The following KCNQ1OT1 variants were observed in gnomAD, a reference collection of about 807,000 sequenced individuals.
KCNQ1OT1 encodes the protein KCNQ1 antisense RNA 2 (non-protein coding).
In KCNQ1OT1 at chr11:2,667,193, G is replaced by A. The variant is rs1293118027; in HGVS notation, n.32802C>T. The stretch of plus-strand genomic sequence containing the variant: ...CCAGCCTGCCATCAGCCCAGCTGTG[G>A]CGGCCCCCCGTGGCCCCCTAACCTT... On this transcript the variant is annotated non_coding_transcript_exon_variant, in exon 1 of 1. Transcript: ENST00000597346. The A allele has an allele frequency of 1.5e-5, 6 of 398,614 alleles. No homozygotes were observed. In the South Asian group the frequency reaches 3.8e-4, roughly 25 times the overall value. 24.7% of individuals were successfully genotyped at this position (398,614 alleles called of 1,614,324 possible).
At chr11:2,665,436 G>C (rs773515782) in exon 1 of KCNQ1OT1, 1 of 397,582 alleles carries the variant, frequency 2.5e-6, no homozygotes, top group Non-Finnish European at 4.4e-6. Flanking sequence ...ACTATCCTCT[G>C]CTCACCAAGG....
In KCNQ1OT1 at chr11:2,659,813, T is replaced by C; in HGVS notation, n.40182A>G. 2.5e-6 allele frequency: 1 copy of C among 398,516 alleles called. No homozygotes were observed. Among genetic ancestry groups the C allele is most frequent in the Non-Finnish European group, 4.4e-6 (1 of 226,002 alleles). The allele number at this position is 398,516 out of a possible 1,614,324, so 24.7% of individuals were successfully genotyped here. A position where few individuals can be genotyped will look rare whatever the true frequency, so the allele number is the denominator to read the frequency against. On this transcript the variant is annotated non_coding_transcript_exon_variant, in exon 1 of 1. Coordinates refer to ENST00000597346, the Ensembl canonical transcript of KCNQ1OT1. The surrounding 1 kb of genome is among the most constrained non-coding windows in gnomAD (Gnocchi z 4.3). ...AATTTATGGAATTTCATTGTGATTC[T>C]AATTTGCATTTCCATATTTATGTTA...
chr11:2,627,947 T>A lies in KCNQ1OT1; in HGVS notation n.72048A>T. ...TAAAATTTTATGTAGAGATAGGGTA[T>A]CACTATGTTTCCTAGGCTGGTCTCA... On this transcript the variant is annotated non_coding_transcript_exon_variant, in exon 1 of 1. Transcript: ENST00000597346. This position sits in a 1 kb window ranked among gnomAD's most constrained non-coding sequence, Gnocchi z 4.9. 2.5e-6 allele frequency: 1 copy of A among 398,550 alleles called. No individual in the cohort carries two copies. 24.7% of individuals were successfully genotyped at this position (398,550 alleles called of 1,614,324 possible).
chr11:2,628,664 G>A lies in KCNQ1OT1; in HGVS notation n.71331C>T, dbSNP rs571562295. ...TGATGTAGTTCTAATTTATTTTTGC[G>A]TTTTATTCCTTGTGCTTTTGATGTC... On this transcript the variant is annotated non_coding_transcript_exon_variant, in exon 1 of 1. Transcript: ENST00000597346. The A allele has an allele frequency of 1.3e-4, 52 of 398,146 alleles. No homozygotes were observed. Among genetic ancestry groups the A allele is most frequent in the African/African-American group, 7.4e-4 (36 of 48,656 alleles). The allele number at this position is 398,146 out of a possible 1,614,324, so 24.7% of individuals were successfully genotyped here. A position where few individuals can be genotyped will look rare whatever the true frequency, so the allele number is the denominator to read the frequency against.
At chr11:2,609,173 C>G (rs989453343) in exon 1 of KCNQ1OT1, 2 of 398,030 alleles carry the variant, frequency 5.0e-6, no homozygotes, top group Non-Finnish European at 8.9e-6. Flanking sequence ...CTATAAAATT[C>G]CATCTTTACA....
In KCNQ1OT1 at chr11:2,627,202, T is replaced by C. The variant is rs886662820; in HGVS notation, n.72793A>G. 4 of 398,458 alleles carry C rather than the reference T, an allele frequency of 1.0e-5. No homozygotes were observed. Among genetic ancestry groups the C allele is most frequent in the African/African-American group, 4.1e-5 (2 of 48,642 alleles). 24.7% of individuals were successfully genotyped at this position (398,458 alleles called of 1,614,324 possible). A position where few individuals can be genotyped will look rare whatever the true frequency, so the allele number is the denominator to read the frequency against. On this transcript the variant is annotated non_coding_transcript_exon_variant, in exon 1 of 1. Transcript: ENST00000597346. The surrounding 1 kb of genome is among the most constrained non-coding windows in gnomAD (Gnocchi z 4.9). ...TTTTTCAGCTTTTATTGAGGTATAATTGACAAATTAAAAGTGCATATATTT... is the reference window on the plus strand; with the variant it reads ...TTTTTCAGCTTTTATTGAGGTATAACTGACAAATTAAAAGTGCATATATTT...
At chr11:2,692,159 C>T in exon 1 of KCNQ1OT1, 1 of 398,728 alleles carries the variant, frequency 2.5e-6, no homozygotes, top group Admixed American at 4.4e-5. Context: ...TCAGTGTCAC[C>T]CATCCTTTCA....
chr11:2,695,543 A>G lies in KCNQ1OT1; in HGVS notation n.4452T>C, dbSNP rs1275216843. On this transcript the variant is annotated non_coding_transcript_exon_variant, in exon 1 of 1. Coordinates refer to ENST00000597346, the Ensembl canonical transcript of KCNQ1OT1. This position sits in a 1 kb window ranked among gnomAD's most constrained non-coding sequence, Gnocchi z 5.2. The stretch of plus-strand genomic sequence containing the variant: ...TGACCAGCTCCAACTGCCCACCCCT[A>G]TGGGCCATGCTGCCCTGAGCATGCA... The G allele has an allele frequency of 3.3e-5, 13 of 398,310 alleles. No individual in the cohort carries two copies. Among genetic ancestry groups the G allele is most frequent in the Non-Finnish European group, 5.8e-5 (13 of 226,066 alleles). 24.7% of individuals were successfully genotyped at this position (398,310 alleles called of 1,614,324 possible).
Position 2,647,099 on chromosome 11 carries a change from G to A in KCNQ1OT1, n.52896C>T, listed in dbSNP as rs1191799350. ...GAGAAGGTGTTTAGCTTTTCCCCAG[G>A]TGGCTGTGGGTTTGTCATATATGAC... On this transcript the variant is annotated non_coding_transcript_exon_variant, in exon 1 of 1. Coordinates refer to ENST00000597346, the Ensembl canonical transcript of KCNQ1OT1. This position sits in a 1 kb window ranked among gnomAD's most constrained non-coding sequence, Gnocchi z 4.0. The A allele has an allele frequency of 5.0e-6, 2 of 398,410 alleles. No individual in the cohort carries two copies. Among genetic ancestry groups the A allele is most frequent in the Non-Finnish European group, 8.8e-6 (2 of 226,006 alleles). 24.7% of individuals were successfully genotyped at this position (398,410 alleles called of 1,614,324 possible).
At chr11:2,643,007 G>A in exon 1 of KCNQ1OT1, 1 of 397,560 alleles carries the variant, frequency 2.5e-6, no homozygotes, top group Non-Finnish European at 4.4e-6. Flanking sequence ...ATGCTATTGT[G>A]GTCTGAGAAG....
Position 2,608,508 on chromosome 11 carries a change from C to G in KCNQ1OT1, n.91487G>C, listed in dbSNP as rs1343951658. Reference sequence around the variant, plus strand: ...TTTCTTTTTGAGAAACAGAGTCTCTCTCTGTTGCCCAGGCTGGAATAGAGT... The same window carrying G: ...TTTCTTTTTGAGAAACAGAGTCTCTGTCTGTTGCCCAGGCTGGAATAGAGT... On this transcript the variant is annotated non_coding_transcript_exon_variant, in exon 1 of 1. Coordinates refer to ENST00000597346, the Ensembl canonical transcript of KCNQ1OT1. This position sits in a 1 kb window ranked among gnomAD's most constrained non-coding sequence, Gnocchi z 4.6. The G allele has an allele frequency of 2.5e-6, 1 of 398,486 alleles. No individual in the cohort carries two copies. Among genetic ancestry groups the G allele is most frequent in the Non-Finnish European group, 4.4e-6 (1 of 226,084 alleles). 24.7% of individuals were successfully genotyped at this position (398,486 alleles called of 1,614,324 possible).
At position 2,641,925 on chromosome 11, in the gene KCNQ1OT1, A is replaced by C. The variant is rs141275567; in HGVS notation, n.58070T>G. ...AGTGTATGTTCTTGGCATCTTTGTC[A>C]AAAATCAGTTGGCTGTAAATACATG... On this transcript the variant is annotated non_coding_transcript_exon_variant, in exon 1 of 1. Transcript: ENST00000597346. 872 of 398,492 alleles carry C rather than the reference A, an allele frequency of 2.2e-3. 7 individuals are homozygous for C. The highest frequency in any genetic ancestry group is 0.016 in the African/African-American group (763 of 48,748). The allele number at this position is 398,492 out of a possible 1,614,324, so 24.7% of individuals were successfully genotyped here.
At chr11:2,629,547 G>A (rs1233108670) in exon 1 of KCNQ1OT1, 1 of 398,396 alleles carries the variant, frequency 2.5e-6, no homozygotes, top group Non-Finnish European at 4.4e-6. Context: ...TCTCTCACGT[G>A]AGGATATCCA....
At position 2,677,240 on chromosome 11, in the gene KCNQ1OT1, C is replaced by T. The variant is rs1192217623; in HGVS notation, n.22755G>A. 1 of 398,424 alleles carries T rather than the reference C, an allele frequency of 2.5e-6. No individual in the cohort carries two copies. Among genetic ancestry groups the T allele is most frequent in the Non-Finnish European group, 4.4e-6 (1 of 226,062 alleles). The allele number at this position is 398,424 out of a possible 1,614,324, so 24.7% of individuals were successfully genotyped here. A position where few individuals can be genotyped will look rare whatever the true frequency, so the allele number is the denominator to read the frequency against. ...TCAACCAAAGACAATATAAAGCACA[C>T]ACAAAGTAAAGAGGAACTTATAAAG... On this transcript the variant is annotated non_coding_transcript_exon_variant, in exon 1 of 1. Coordinates refer to ENST00000597346, the Ensembl canonical transcript of KCNQ1OT1. The surrounding 1 kb of genome is among the most constrained non-coding windows in gnomAD (Gnocchi z 4.5).
rs1850127550 is a variant in KCNQ1OT1 at position 2,668,689 on chromosome 11, C to G, written n.31306G>C. 2.5e-6 allele frequency: 1 copy of G among 398,426 alleles called. No homozygotes were observed. Among genetic ancestry groups the G allele is most frequent in the African/African-American group, 2.1e-5 (1 of 48,600 alleles). 24.7% of individuals were successfully genotyped at this position (398,426 alleles called of 1,614,324 possible). A position where few individuals can be genotyped will look rare whatever the true frequency, so the allele number is the denominator to read the frequency against. On this transcript the variant is annotated non_coding_transcript_exon_variant, in exon 1 of 1. Transcript: ENST00000597346. The surrounding 1 kb of genome is among the most constrained non-coding windows in gnomAD (Gnocchi z 4.3). ...GAGTCATTTGTCAGAGAGAGAGATA[C>G]ACACACTCACACTCTCTCACAGACA...
exon 1 of KCNQ1OT1, chr11:2,640,216 G>A (rs1238477332): frequency 2.5e-6 from 1 of 394,354 alleles, no homozygotes; most frequent in Non-Finnish European, 4.5e-6. Context: ...CCACTGTCCT[G>A]TACCCACTGT....
chr11:2,671,410 G>A lies in KCNQ1OT1; in HGVS notation n.28585C>T, dbSNP rs1213402228. The A allele has an allele frequency of 1.0e-5, 4 of 398,470 alleles. No individual in the cohort carries two copies. Among genetic ancestry groups the A allele is most frequent in the African/African-American group, 8.2e-5 (4 of 48,608 alleles). The allele number at this position is 398,470 out of a possible 1,614,324, so 24.7% of individuals were successfully genotyped here. On this transcript the variant is annotated non_coding_transcript_exon_variant, in exon 1 of 1. Transcript: ENST00000597346. The surrounding 1 kb of genome is among the most constrained non-coding windows in gnomAD (Gnocchi z 4.7). ...GGCATGCCTCTCCCAGGGTACTCTG[G>A]ATGTGCACCCAGAGATTCTCCCACT...
exon 1 of KCNQ1OT1, chr11:2,616,420 A>C: frequency 5.0e-6 from 2 of 397,794 alleles, no homozygotes; most frequent in Non-Finnish European, 8.9e-6. Context: ...ATATTATTTC[A>C]TTCTCTCTTT....
At position 2,691,247 on chromosome 11, in the gene KCNQ1OT1, G is replaced by T. The variant is rs1850583239; in HGVS notation, n.8748C>A. 1 of 398,632 alleles carries T rather than the reference G, an allele frequency of 2.5e-6. No homozygotes were observed. The highest frequency in any genetic ancestry group is 4.4e-6 in the Non-Finnish European group (1 of 226,102). 24.7% of individuals were successfully genotyped at this position (398,632 alleles called of 1,614,324 possible). ...AGAGGATCTGCAGTTAACCCCTTGA[G>T]TCTCGGAAGGCTGTTTGAGCCACTA... On this transcript the variant is annotated non_coding_transcript_exon_variant, in exon 1 of 1. Coordinates refer to ENST00000597346, the Ensembl canonical transcript of KCNQ1OT1. The surrounding 1 kb of genome is among the most constrained non-coding windows in gnomAD (Gnocchi z 6.4).
Sources: allele counts gnomAD v4.1 joint callset, GRCh38; gene constraint gnomAD v4.1.1; non-coding constraint Gnocchi (gnomAD v3.1); transcripts MANE v1.5; gene names NCBI Gene and HGNC (gene_info 2026-07-23, HGNC 2026-07-21).